Variants in AGR2 observed in about 807,000 individuals in gnomAD.
The protein encoded by AGR2 is anterior gradient protein 2 homolog.
In AGR2, 27 loss-of-function variants were observed where a neutral mutation model predicts 25.9. The ratio of observed to expected loss-of-function variants is 1.04; its 90% CI spans 0.77 to 1.44. The LOEUF (loss-of-function observed/expected upper bound fraction) is 1.44. AGR2 is among the 40% of genes most tolerant of loss of function. The pLI is 0.00. For missense variants in AGR2, 182 were observed against 200.9 expected, an observed-to-expected ratio of 0.91 and a Z score of 0.57; for synonymous variants, 78 against 72.0, an observed-to-expected ratio of 1.08 and a Z score of -0.42.
At chr7:16,793,718 A>G (rs915680411) in intron 7 of AGR2, among the ~76,000 whole-genome samples, 1 of 152,248 alleles carries the variant, frequency 6.6e-6, no homozygotes, top group African/African-American at 2.4e-5. Flanking sequence ...ACAGGCAGAG[A>G]GAGGCTGAGT....
At chr7:16,793,276 T>G (rs1358957955) in intron 7 of AGR2, among the ~76,000 whole-genome samples, 1 of 152,092 alleles carries the variant, frequency 6.6e-6, no homozygotes, top group East Asian at 1.9e-4. Flanking sequence ...CTCGAACTCC[T>G]GAGCTCAAGT....
In AGR2 at chr7:16,792,901, T is replaced by A; in HGVS notation, c.*7A>T. 1 of 1,613,306 alleles carries A rather than the reference T, an allele frequency of 6.2e-7. No homozygotes were observed. Among genetic ancestry groups the A allele is most frequent in the Non-Finnish European group, 8.5e-7 (1 of 1,179,234 alleles). On this transcript the variant is annotated 3_prime_UTR_variant, in exon 8 of 8. Transcript: ENST00000419304. Reference sequence around the variant, plus strand: ...GACAGACAGAAGGGCTTGGAGATTTTTTTTCTTTACAATTCAGTCTTCAGC... The same window carrying A: ...GACAGACAGAAGGGCTTGGAGATTTATTTTCTTTACAATTCAGTCTTCAGC...
chr7:16,795,146 C>A (rs190396047), intron 6 of AGR2, 127 bp from the exon 7 acceptor site: 1 of 1,023,690 alleles, frequency 9.8e-7, no homozygotes, highest in Non-Finnish European at 1.5e-6. Context: ...TCTGCACTCA[C>A]AGGAGCTCTG....
At position 16,801,766 on chromosome 7, in the gene AGR2, G is replaced by T; in HGVS notation, c.31C>A (p.Leu11Ile). 6.2e-7 allele frequency: 1 copy of T among 1,611,424 alleles called. No homozygotes were observed. Among genetic ancestry groups the T allele is most frequent in the East Asian group, 2.2e-5 (1 of 44,796 alleles). ...AGAGTGTAGGAGAGGGCCACAAGGA[G>T]CAAGAATGCTGACACTGGAATTTTC... MEKIPVSAFL[L>I]LVALSYTLAR... The change falls in exon 2 of 8, where the codon CTC becomes ATC. Residue 11 changes from leucine (L) to isoleucine (I), a missense_variant. By Grantham distance (5) the Leu-to-Ile change is conservative. Coordinates refer to ENST00000419304, the MANE Select transcript of AGR2 (RefSeq NM_006408.4).
chr7:16,793,723 C>T (rs1353485900), intron 7 of AGR2, among the ~76,000 whole-genome samples: 3 of 152,196 alleles, frequency 2.0e-5, no homozygotes, highest in African/African-American at 7.2e-5. Flanking sequence ...CAGAGAGAGG[C>T]TGAGTAGCTT....
At chr7:16,804,402 T>C (rs1022440646) in intron 1 of AGR2, among the ~76,000 whole-genome samples, 2 of 152,294 alleles carry the variant, frequency 1.3e-5, no homozygotes, top group Middle Eastern at 3.4e-3. Context: ...TTGTAGATGC[T>C]TCAGGAAAGC....
intron 6 of AGR2, among the ~76,000 whole-genome samples, chr7:16,795,367 T>C (rs1785028301): frequency 6.6e-6 from 1 of 151,878 alleles, no homozygotes; most frequent in African/African-American, 2.4e-5. Flanking sequence ...TGCAAAATTA[T>C]TTTAAATTCT....
At chr7:16,796,718 C>G (rs1785050736) in intron 6 of AGR2, among the ~76,000 whole-genome samples, 1 of 152,162 alleles carries the variant, frequency 6.6e-6, no homozygotes, top group South Asian at 2.1e-4. Flanking sequence ...TATTACATAA[C>G]CACCCCCAAA....
chr7:16,801,293 G>A (rs776769574), intron 3 of AGR2, 27 bp downstream of exon 3: 1 of 1,609,360 alleles, frequency 6.2e-7, no homozygotes, highest in Admixed American at 1.7e-5. Flanking sequence ...GAGCTTTGAG[G>A]GAGCTCTGAG....
At chr7:16,799,883 C>A in intron 4 of AGR2, 66 bp from the exon 5 acceptor site, 1 of 1,103,758 alleles carries the variant, frequency 9.1e-7, no homozygotes, top group South Asian at 1.4e-5. Flanking sequence ...GTTCAATTTT[C>A]AGTTAAATTG....
chr7:16,801,406 A>G lies in AGR2; in HGVS notation c.140-23T>C, dbSNP rs776908280. 9.3e-6 allele frequency: 15 copies of G among 1,605,950 alleles called. No homozygotes were observed. The East Asian group carries it at 1.6e-4, about 17-fold the overall frequency. ...AACCTAGAATGAAATGAATCAGTAT[A>G]TTTGAAGCTTGTATAAATTCAGACC... is the stretch of plus-strand genomic sequence containing the variant. On this transcript the variant is annotated intron_variant, in intron 2 of 7. Transcript: ENST00000419304.
intron 5 of AGR2, among the ~76,000 whole-genome samples, chr7:16,798,033 C>A (rs931781836): frequency 3.3e-5 from 5 of 152,160 alleles, no homozygotes; most frequent in Non-Finnish European, 7.3e-5. Context: ...ATTACGGAGA[C>A]AAGTACGGGA....
intron 5 of AGR2, among the ~76,000 whole-genome samples, chr7:16,798,866 G>A (rs1335283618): frequency 6.6e-6 from 1 of 152,194 alleles, no homozygotes; most frequent in Middle Eastern, 3.2e-3. Flanking sequence ...AAACCAAGAT[G>A]ATTAATGTGC....
At chr7:16,797,016 G>A (rs1042174517) in intron 6 of AGR2, among the ~76,000 whole-genome samples, 1 of 152,028 alleles carries the variant, frequency 6.6e-6, no homozygotes, top group Non-Finnish European at 1.5e-5. Flanking sequence ...CTGCCTCTTG[G>A]GTTCAAGCAA....
At chr7:16,795,044 G>T in intron 6 of AGR2, 25 bp from the exon 7 acceptor site, 1 of 1,612,172 alleles carries the variant, frequency 6.2e-7, no homozygotes, top group Non-Finnish European at 8.5e-7. Context: ...GAAGCAAAAG[G>T]GAATGGAATG....
chr7:16,794,528 C>A (rs1439502392), intron 7 of AGR2: 1 of 323,512 alleles, frequency 3.1e-6, no homozygotes, highest in East Asian at 5.6e-5. Context: ...TTAAACTGAA[C>A]CTGAATTTAA....
At chr7:16,801,525 A>G in intron 2 of AGR2, 133 bp downstream of exon 2, 1 of 1,360,682 alleles carries the variant, frequency 7.3e-7, no homozygotes, top group Non-Finnish European at 1.0e-6. Context: ...ATAATTATAA[A>G]CAGTGATAAG....
Position 16,801,367 on chromosome 7 carries a change from G to C in AGR2, c.156C>G (p.Leu52=), listed in dbSNP as rs1258961686. The C allele has an allele frequency of 2.0e-5, 32 of 1,613,516 alleles. No individual in the cohort carries two copies. The highest frequency in any genetic ancestry group is 2.6e-5 in the Non-Finnish European group (31 of 1,179,778). ...CTTCTTCATATGTCTGAGTCCAGAT[G>C]AGTTGGTCACCCCAACCTAGAATGA... ...QTLSRGWGDQ[L]IWTQTYEEAL... Residue 52 remains leucine, a synonymous_variant, in exon 3 of 8, where the codon CTC becomes CTG. Coordinates refer to ENST00000419304, the MANE Select transcript of AGR2 (RefSeq NM_006408.4).
chr7:16,794,241 TTTAAC>T (rs142731242), intron 7 of AGR2, among the ~76,000 whole-genome samples: 100,064 of 151,504 alleles, frequency 0.66, 33,739 homozygotes, highest in Middle Eastern at 0.81. Context: ...AATTTCTAAC[TTTAAC>T]TTAAGTAGCA....
Sources: gnomAD v4.1 joint callset for allele counts (sites outside exome capture counted in the v4.1 genomes callset) on GRCh38, gnomAD v4.1.1 for gene constraint, MANE v1.5 for transcripts, NCBI Gene and HGNC (gene_info 2026-07-23, HGNC 2026-07-21) for gene names.